Variants in CPLANE1 observed in about 807,000 individuals in gnomAD.
CPLANE1 encodes the protein ciliogenesis and planar polarity effector complex subunit 1, also known as ciliogenesis and planar polarity effector 1.
In CPLANE1, 263 loss-of-function variants were observed where a neutral mutation model predicts 362.5. The ratio of observed to expected loss-of-function variants is 0.73; its 90% confidence interval spans 0.66 to 0.80. The LOEUF (loss-of-function observed/expected upper bound fraction) is 0.80, where lower values mean the gene tolerates loss of function less well. Among genes scored for constraint, CPLANE1 ranks in the 30% least tolerant of loss-of-function variants. CPLANE1 has a pLI of 0.00. For missense variants in CPLANE1, 3,461 were observed against 3,793.4 expected, an observed-to-expected ratio of 0.91 and a Z score of 2.30; for synonymous variants, 1,212 against 1,302.6, an observed-to-expected ratio of 0.93 and a Z score of 1.50.
At chr5:37,183,728 A>G in intron 25 of CPLANE1, 29 bp from the exon 26 acceptor site, 1 of 1,416,448 alleles carries the variant, frequency 7.1e-7, no homozygotes, top group Non-Finnish European at 9.6e-7. Flanking sequence ...ATAAGACAAA[A>G]TTAGAGATCA....
intron 15 of CPLANE1, among the ~76,000 whole-genome samples, chr5:37,218,026 A>C (rs116757604): frequency 0.014 from 2,115 of 152,260 alleles, 52 homozygotes; most frequent in African/African-American, 0.048. Context: ...CTATTTAATA[A>C]AAATTAAATA....
rs1320099373 is a variant in CPLANE1 at position 37,230,916 on chromosome 5, C to G, written c.1072G>C (p.Glu358Gln). ...LTLITFGCSI[E>Q]FGPAEFIPLH... ...GGAATAAATTCTGCTGGGCCAAATT[C>G]TATAGAGCAACCAAATGTAATTAAT... Residue 358 changes from glutamate (E) to glutamine (Q), a missense_variant, in exon 9 of 53, where the codon GAA (glutamate) becomes CAA (glutamine). By Grantham distance (29) the Glu-to-Gln change is conservative. Around this residue, in one of 2 missense-constraint regions of CPLANE1, gnomAD observed 3,380 missense variants for 3,666.1 expected, o/e 0.92. Transcript: ENST00000651892. 6.5e-7 allele frequency: 1 copy of G among 1,548,954 alleles called. No individual in the cohort carries two copies. The highest frequency in any genetic ancestry group is 8.7e-7 in the Non-Finnish European group (1 of 1,145,754).
rs775547302 is a variant in CPLANE1 at position 37,239,681 on chromosome 5, T to C, written c.834+32A>G. On this transcript the variant is annotated intron_variant, in intron 7 of 52. Transcript: ENST00000651892. ...AAACTGGAATAAACTCCTTCTTTTA[T>C]AGATTACTTTCTAAGACAGATATTT... is the stretch of plus-strand genomic sequence containing the variant. 38 of 1,343,308 alleles carry C rather than the reference T, an allele frequency of 2.8e-5. 1 individual carries two copies. The African/African-American group carries it at 4.5e-4, about 16-fold the overall frequency. The allele number at this position is 1,343,308 out of a possible 1,614,324, so 83.2% of individuals were successfully genotyped here.
chr5:37,148,141 A>G, intron 43 of CPLANE1, 40 bp downstream of exon 43: 2 of 1,480,228 alleles, frequency 1.4e-6, no homozygotes, highest in Middle Eastern at 1.7e-4. Context: ...CAGATCAACT[A>G]AAGCAAGACT....
the CPLANE1 span, chr5:37,085,022 G>C: frequency 6.3e-6 from 4 of 631,208 alleles, no homozygotes; most frequent in Non-Finnish European, 1.1e-5. Flanking sequence ...ACACACACCG[G>C]AAGAGAGGTC....
rs1796040943 is a variant in CPLANE1, at chr5:37,224,580, T to G, written c.2452A>C (p.Ser818Arg). The G allele has an allele frequency of 9.7e-6, 15 of 1,551,486 alleles. No homozygotes were observed. The highest frequency in any genetic ancestry group is 1.2e-5 in the Non-Finnish European group (14 of 1,146,858). ...LLCHLQANLQ[S>R]TGDCLNQTLE... ...GTTTGATTCAAGCAATCTCCAGTAC[T>G]CTGTAGGTTAGCCTGCAAATGACAT... is the stretch of plus-strand genomic sequence containing the variant. The change falls in exon 13 of 53, where the codon AGT (serine) becomes CGT (arginine). Residue 818 changes from serine to arginine, a missense_variant. Around this residue, in one of 2 missense-constraint regions of CPLANE1, gnomAD observed 3,380 missense variants for 3,666.1 expected, o/e 0.92. Coordinates refer to ENST00000651892, the MANE Select transcript of CPLANE1 (RefSeq NM_001384732.1).
At chr5:37,132,563 G>A (rs1016319522) in intron 46 of CPLANE1, among the ~76,000 whole-genome samples, 4 of 152,022 alleles carry the variant, frequency 2.6e-5, no homozygotes, top group East Asian at 1.9e-4. Flanking sequence ...AGCCAGGATG[G>A]TCTCAATCTC....
chr5:37,223,628 AT>A (rs1385014296), intron 14 of CPLANE1, among the ~76,000 whole-genome samples: 1 of 152,234 alleles, frequency 6.6e-6, no homozygotes, highest in African/African-American at 2.4e-5. Context: ...TCAGCTCTGT[AT>A]CATAAAAGCT....
rs367814612 is a variant in CPLANE1, at chr5:37,244,831, G to T, written c.338-224C>A. ...GGAGACGGATCGCTTTAGCCCAAAA[G>T]GTCAAAGCTGCAGTGAGCTATGATC... On this transcript the variant is annotated intron_variant, in intron 4 of 52. Coordinates refer to ENST00000651892, the MANE Select transcript of CPLANE1 (RefSeq NM_001384732.1). Among the ~76,000 whole-genome samples the T allele has an allele frequency of 6.6e-5, 10 of 152,070 alleles. No individual in the cohort carries two copies. In the East Asian group the frequency reaches 9.7e-4, roughly 15 times the overall value.
Position 37,237,434 on chromosome 5 carries a change from T to C in CPLANE1, c.938+1423A>G, listed in dbSNP as rs1388389264. 2.6e-5 allele frequency among the ~76,000 whole-genome samples: 4 copies of C among 152,174 alleles called. No individual in the cohort carries two copies. The East Asian group carries it at 7.7e-4, about 29-fold the overall frequency. On this transcript the variant is annotated intron_variant, in intron 8 of 52. Coordinates refer to ENST00000651892, the MANE Select transcript of CPLANE1 (RefSeq NM_001384732.1). ...ACATACAGAGTGGAATAATAGGCAT[T>C]GGAGACTACTAAAAGACGGGAGGGG... is the stretch of plus-strand genomic sequence containing the variant.
chr5:37,152,039 G>A (rs1202089277), intron 42 of CPLANE1, among the ~76,000 whole-genome samples: 2 of 152,132 alleles, frequency 1.3e-5, no homozygotes, highest in Non-Finnish European at 2.9e-5. Context: ...TGGATTAAAG[G>A]TGTACTATAA....
chr5:37,146,247 C>T (rs1376719474), intron 43 of CPLANE1, among the ~76,000 whole-genome samples: 7 of 151,848 alleles, frequency 4.6e-5, no homozygotes, highest in South Asian at 2.1e-4. Context: ...GGCATGATCT[C>T]GACTCACTGC....
At chr5:37,092,584 A>T in the CPLANE1 span, among the ~76,000 whole-genome samples, 2 of 152,174 alleles carry the variant, frequency 1.3e-5, no homozygotes, top group African/African-American at 4.8e-5. Context: ...CAGCCTTACT[A>T]ATGTCCTCCT....
rs1784022373 is a variant in CPLANE1 at position 37,186,464 on chromosome 5, T to C, written c.4081-70A>G. ...TTTTTTTTCTTCCATTCCACAAATA[T>C]TTTATTTTAACTCAAAATATAAATG... On this transcript the variant is annotated intron_variant, in intron 23 of 52. Transcript: ENST00000651892. The C allele has an allele frequency of 4.5e-5, 34 of 759,004 alleles. No homozygotes were observed. In the South Asian group the frequency reaches 5.3e-4, roughly 12 times the overall value. The allele number at this position is 759,004 out of a possible 1,614,324, so 47.0% of individuals were successfully genotyped here.
At chr5:37,192,863 A>C (rs1786004841) in intron 21 of CPLANE1, among the ~76,000 whole-genome samples, 1 of 147,400 alleles carries the variant, frequency 6.8e-6, no homozygotes, top group African/African-American at 2.5e-5. Flanking sequence ...CAAAAAAAAA[A>C]AAAAAAAACA....
Position 37,221,440 on chromosome 5 carries a change from A to C in CPLANE1, c.2630T>G (p.Leu877Ter). ...FLQIRYYLSL[L>*]YCHLYSYNLN... ...ATTATAGCTATAGAGGTGGCAGTAT[A>C]AGAGAGAAAGATAATAGCGTATCTG... The change falls in exon 15 of 53, where the codon TTA (leucine) becomes TGA (stop). Residue 877 changes from leucine (L) to a stop codon, truncating the protein, a stop_gained. Coordinates refer to ENST00000651892, the MANE Select transcript of CPLANE1 (RefSeq NM_001384732.1). LOFTEE classifies it high-confidence loss of function. The C allele has an allele frequency of 6.6e-7, 1 of 1,520,720 alleles. No homozygotes were observed. The highest frequency in any genetic ancestry group is 8.8e-7 in the Non-Finnish European group (1 of 1,136,468). The allele number at this position is 1,520,720 out of a possible 1,614,324, so 94.2% of individuals were successfully genotyped here. A position where few individuals can be genotyped will look rare whatever the true frequency, so the allele number is the denominator to read the frequency against.
the CPLANE1 span, among the ~76,000 whole-genome samples, chr5:37,088,139 C>T: frequency 1.1e-4 from 17 of 152,268 alleles, no homozygotes; most frequent in African/African-American, 3.6e-4. Flanking sequence ...AGGGATCTTT[C>T]GTAAATGTTT....
chr5:37,095,494 G>A, the CPLANE1 span, among the ~76,000 whole-genome samples: 2 of 152,110 alleles, frequency 1.3e-5, no homozygotes, highest in African/African-American at 4.8e-5. Flanking sequence ...ATGGGGAAAA[G>A]TCGAAAGCAT....
At chr5:37,122,339 CTA>C in intron 48 of CPLANE1, 89 bp downstream of exon 48, 6 of 960,818 alleles carry the variant, frequency 6.2e-6, no homozygotes, top group Non-Finnish European at 9.8e-6. Context: ...AAAAAAGAGA[CTA>C]TTGTGAAAAC....
Sources: allele counts gnomAD v4.1 joint callset (sites outside exome capture counted in the v4.1 genomes callset), GRCh38; gene constraint gnomAD v4.1.1; regional missense constraint gnomAD v4.1.1; transcripts MANE v1.5; gene names NCBI Gene and HGNC (gene_info 2026-07-23, HGNC 2026-07-21).